Variants in DLGAP2 observed in about 807,000 individuals in gnomAD.
DLGAP2 encodes the protein disks large-associated protein 2.
DLGAP2 carries 26 observed loss-of-function variants against 100.3 expected under a neutral mutation model. That is an observed-to-expected ratio of 0.26 (90% CI 0.19 to 0.36). DLGAP2 has a LOEUF of 0.36. DLGAP2 is among the 10% of genes least tolerant of loss of function. The probability of loss-of-function intolerance (pLI) is 1.00; values close to 1 mark genes in which losing one functional copy is unlikely to be tolerated. For synonymous variants in DLGAP2, 886 were observed against 630.1 expected, an observed-to-expected ratio of 1.41 and a Z score of -6.08; for missense variants, 1,858 against 1,453.2, an observed-to-expected ratio of 1.28 and a Z score of -4.53.
chr8:1,513,569 A>G (rs572449304), intron 4 of DLGAP2, among the ~76,000 whole-genome samples: 40 of 152,288 alleles, frequency 2.6e-4, no homozygotes, highest in African/African-American at 9.6e-4. Context: ...CAGAGACAAT[A>G]CTGCCTGGAA....
intron 2 of DLGAP2, among the ~76,000 whole-genome samples, chr8:1,162,892 C>T (rs561881841): frequency 3.9e-5 from 6 of 152,308 alleles, no homozygotes; most frequent in African/African-American, 1.4e-4. Context: ...GGGTGCTGGG[C>T]TGGGGTCCAC....
At chr8:1,626,979 C>T (rs1797521983) in intron 7 of DLGAP2, 92 bp downstream of exon 7, 16 of 1,442,260 alleles carry the variant, frequency 1.1e-5, no homozygotes, top group Non-Finnish European at 1.4e-5. Flanking sequence ...GATGGCGCTG[C>T]CCTCCTGGTC....
chr8:1,024,881 T>C (rs1801746432), intron 2 of DLGAP2, among the ~76,000 whole-genome samples: 1 of 152,188 alleles, frequency 6.6e-6, no homozygotes, highest in African/African-American at 2.4e-5. Flanking sequence ...CCCTTGATCC[T>C]TGTAATAAGG....
intron 2 of DLGAP2, among the ~76,000 whole-genome samples, chr8:1,129,894 T>C (rs1796249754): frequency 6.6e-6 from 1 of 152,194 alleles, no homozygotes; most frequent in South Asian, 2.1e-4. Context: ...CCTGGATTCA[T>C]GGCTGGGAAC....
At chr8:1,024,746 G>C (rs965363146) in intron 2 of DLGAP2, among the ~76,000 whole-genome samples, 3 of 152,196 alleles carry the variant, frequency 2.0e-5, no homozygotes, top group Admixed American at 6.5e-5. Context: ...CGGTCACGTA[G>C]GGTCCTCTGG....
chr8:1,217,643 G>C (rs544407798), intron 2 of DLGAP2, among the ~76,000 whole-genome samples: 1 of 152,110 alleles, frequency 6.6e-6, no homozygotes, highest in South Asian at 2.1e-4. Flanking sequence ...GTATTCCTAG[G>C]AATTTTAACC....
At chr8:1,570,932 T>G (rs1802635730) in intron 6 of DLGAP2, among the ~76,000 whole-genome samples, 1 of 126,874 alleles carries the variant, frequency 7.9e-6, no homozygotes, top group Non-Finnish European at 1.6e-5. Context: ...GAGGGTGAAC[T>G]GTGGGGGTGT....
At chr8:1,368,695 TG>T (rs1210829929) in intron 3 of DLGAP2, 5 of 152,202 alleles carry the variant, frequency 3.3e-5, no homozygotes, top group Admixed American at 3.3e-4. Flanking sequence ...ATAAAGCATG[TG>T]GTATGCTACA....
chr8:1,565,835 A>T lies in DLGAP2; in HGVS notation c.1383A>T (p.Ala461=), dbSNP rs895078018. The change falls in exon 6 of 15, where the codon GCA becomes GCT. Residue 461 remains alanine, a synonymous_variant. Transcript: ENST00000637795. ...GCCCCAAGACATCACCAAAGTCGGC[A>T]ATCCTACCAGAGCCGCTGCTGAAGT... ...DSSPKTSPKS[A]ILPEPLLKSI... The T allele has an allele frequency of 6.2e-7, 1 of 1,613,480 alleles. No homozygotes were observed. The highest frequency in any genetic ancestry group is 1.3e-5 in the African/African-American group (1 of 74,902).
intron 3 of DLGAP2, among the ~76,000 whole-genome samples, chr8:1,471,599 C>A (rs1462228862): frequency 6.6e-6 from 1 of 151,162 alleles, no homozygotes; most frequent in Non-Finnish European, 1.5e-5. Context: ...AACCTCCTCT[C>A]ACCTCCTGCC....
intron 3 of DLGAP2, among the ~76,000 whole-genome samples, chr8:1,449,352 C>G (rs752791944): frequency 6.6e-6 from 1 of 152,200 alleles, no homozygotes; most frequent in Admixed American, 6.5e-5. Context: ...CATGCTTAGT[C>G]CAGCCCAGGC....
chr8:792,076 C>A (rs961814999), intron 1 of DLGAP2, among the ~76,000 whole-genome samples: 17 of 152,144 alleles, frequency 1.1e-4, no homozygotes, highest in African/African-American at 3.9e-4. Context: ...TTTTATCAGC[C>A]TTTCATGTTT....
intron 2 of DLGAP2, among the ~76,000 whole-genome samples, chr8:1,209,471 C>A (rs1202914189): frequency 2.0e-5 from 3 of 152,136 alleles, no homozygotes; most frequent in African/African-American, 7.2e-5. Context: ...CTGTGCTGGT[C>A]CCATGGTGGG....
chr8:1,205,159 G>A (rs544985919), intron 2 of DLGAP2, among the ~76,000 whole-genome samples: 41 of 152,284 alleles, frequency 2.7e-4, no homozygotes, highest in East Asian at 9.7e-4. Flanking sequence ...AAGGTCCATC[G>A]CGTTTTTTCC....
intron 1 of DLGAP2, among the ~76,000 whole-genome samples, chr8:867,675 T>C (rs1027767236): frequency 3.3e-5 from 5 of 152,216 alleles, no homozygotes; most frequent in African/African-American, 1.2e-4. Flanking sequence ...TGATTTAATG[T>C]GAGACATTGC....
At chr8:1,565,929 C>G (rs1412198687) in intron 6 of DLGAP2, 35 bp downstream of exon 6, 5 of 1,536,366 alleles carry the variant, frequency 3.3e-6, no homozygotes, top group Non-Finnish European at 4.4e-6. Flanking sequence ...ACTCCAAGCA[C>G]TTTCCCACTG....
chr8:921,633 C>G (rs898452891), intron 2 of DLGAP2, among the ~76,000 whole-genome samples: 3 of 152,262 alleles, frequency 2.0e-5, no homozygotes, highest in Admixed American at 6.5e-5. Context: ...GGAAACTCCT[C>G]CGCTGGCAGC....
intron 1 of DLGAP2, among the ~76,000 whole-genome samples, chr8:907,647 A>T (rs1245565653): frequency 6.6e-6 from 1 of 152,194 alleles, no homozygotes; most frequent in Non-Finnish European, 1.5e-5. Context: ...CTGATGGCCC[A>T]TTAGGGGCAT....
At chr8:1,362,731 C>G (rs1009020742) in intron 3 of DLGAP2, among the ~76,000 whole-genome samples, 4 of 152,252 alleles carry the variant, frequency 2.6e-5, no homozygotes, top group Non-Finnish European at 5.9e-5. Flanking sequence ...AATTCAAGAG[C>G]CAAAGCCTTA....
Sources: gnomAD v4.1 joint callset for allele counts (sites outside exome capture counted in the v4.1 genomes callset) on GRCh38, gnomAD v4.1.1 for gene constraint, MANE v1.5 for transcripts, NCBI Gene and HGNC (gene_info 2026-07-23, HGNC 2026-07-21) for gene names.